CMTR1: variants seen among roughly 807,000 people sequenced by gnomAD.
CMTR1 encodes the protein cap methyltransferase 1, also known as cap-specific mRNA (nucleoside-2'-O-)-methyltransferase 1.
In CMTR1, 39 loss-of-function variants were observed where a neutral mutation model predicts 107.0. The observed-to-expected ratio is 0.36, with a 90% CI of 0.28 to 0.48. The LOEUF is 0.48. CMTR1 is among the 20% of genes least tolerant of loss of function. The pLI is 0.99. For missense variants in CMTR1, 672 were observed against 1,064.9 expected (o/e 0.63, Z 5.14); for synonymous variants, 366 against 379.5 (o/e 0.96, Z 0.41).
rs1761787006 is a variant in CMTR1, at chr6:37,478,511, G to A, written c.2256G>A (p.Arg752=). Residue 752 remains arginine (R), a synonymous_variant, in exon 22 of 24, where the codon AGG becomes AGA. Transcript: ENST00000373451. Reference sequence around the variant, plus strand: ...TACCCATGGGCCTCTACATCGTCAGGACAGTGAATGGTGGGTGAGGAGGGA... The same window carrying A: ...TACCCATGGGCCTCTACATCGTCAGAACAGTGAATGGTGGGTGAGGAGGGA... ...HFVPMGLYIV[R]TVNEPWTMGF... 1.2e-6 allele frequency: 2 copies of A among 1,612,968 alleles called. No individual in the cohort carries two copies. Among genetic ancestry groups the A allele is most frequent in the African/African-American group, 1.3e-5 (1 of 74,882 alleles).
intron 1 of CMTR1, among the ~76,000 whole-genome samples, chr6:37,434,152 G>A (rs1487748048): frequency 6.6e-6 from 1 of 152,026 alleles, no homozygotes; most frequent in East Asian, 1.9e-4. Flanking sequence ...GCTTAGCTTG[G>A]TCTTGCTTTC....
upstream of CMTR1, among the ~76,000 whole-genome samples, chr6:37,428,298 A>C (rs1425398698): frequency 6.6e-6 from 1 of 152,196 alleles, no homozygotes; most frequent in Non-Finnish European, 1.5e-5. Context: ...TGGTCCTTGC[A>C]GAAGTATGTT....
chr6:37,472,509 G>T lies in CMTR1; in HGVS notation c.1689+22G>T. On this transcript the variant is annotated intron_variant, in intron 16 of 23. Coordinates refer to ENST00000373451, the MANE Select transcript of CMTR1 (RefSeq NM_015050.3). This position sits in a 1 kb window ranked among gnomAD's most constrained non-coding sequence, Gnocchi z 4.1. ...CCAGGTAAGACTGGTATCTGTGGTG[G>T]ACATAAAAAGTTAGAGATCTGTCTC... 1 of 1,611,052 alleles carries T rather than the reference G, an allele frequency of 6.2e-7. No homozygotes were observed. The highest frequency in any genetic ancestry group is 8.5e-7 in the Non-Finnish European group (1 of 1,177,238).
At chr6:37,453,969 G>T (rs553851017) in intron 8 of CMTR1, among the ~76,000 whole-genome samples, 1 of 152,320 alleles carries the variant, frequency 6.6e-6, no homozygotes, top group Admixed American at 6.5e-5. Flanking sequence ...CAAGCTTTGC[G>T]TGGGATCATA....
rs1192766962 is a variant in CMTR1, at chr6:37,478,461, A to T, written c.2206A>T (p.Thr736Ser). The T allele has an allele frequency of 1.2e-6, 2 of 1,614,152 alleles. No homozygotes were observed. Among genetic ancestry groups the T allele is most frequent in the South Asian group, 2.2e-5 (2 of 91,082 alleles). ...CAGTGGCACCCCAAAGCTCAGCTAC[A>T]CAGGGCGTGATGACCGGCACTTTGT... ...GSSGTPKLSY[T>S]GRDDRHFVPM... Residue 736 changes from threonine to serine, a missense_variant, in exon 22 of 24, where the codon ACA becomes TCA. Physicochemically the swap from Thr to Ser is moderately conservative, Grantham distance 58 (BLOSUM62 1). Around this residue, in one of 2 missense-constraint regions of CMTR1, gnomAD observed 583 missense variants for 968.4 expected, o/e 0.60. Coordinates refer to ENST00000373451, the MANE Select transcript of CMTR1 (RefSeq NM_015050.3).
At chr6:37,424,666 G>A in the CMTR1 span, among the ~76,000 whole-genome samples, 8 of 151,860 alleles carry the variant, frequency 5.3e-5, no homozygotes, top group Admixed American at 2.6e-4. Context: ...TGGGTTTTAC[G>A]CTAATAATTG....
chr6:37,469,329 G>T (rs1043934408), intron 13 of CMTR1, among the ~76,000 whole-genome samples: 1 of 151,386 alleles, frequency 6.6e-6, no homozygotes, highest in East Asian at 1.9e-4. Context: ...TGTATGTCAT[G>T]TGTCTTTTTC....
At chr6:37,474,416 C>A (rs1761692168) in intron 17 of CMTR1, 108 bp from the exon 18 acceptor site, 9 of 1,288,494 alleles carry the variant, frequency 7.0e-6, no homozygotes, top group Non-Finnish European at 1.1e-6. Flanking sequence ...CTGACATTTC[C>A]CAGTCCCATC....
At chr6:37,476,239 C>T in intron 20 of CMTR1, 45 bp downstream of exon 20, 1 of 1,593,308 alleles carries the variant, frequency 6.3e-7, no homozygotes, top group South Asian at 1.1e-5. Context: ...CTGGCCAGTA[C>T]CTGCTGCTCC....
Position 37,473,537 on chromosome 6 carries a change from G to A in CMTR1, c.1757G>A (p.Arg586His). 1.9e-6 allele frequency: 3 copies of A among 1,614,058 alleles called. No homozygotes were observed. Among genetic ancestry groups the A allele is most frequent in the South Asian group, 1.1e-5 (1 of 91,080 alleles). ...LLTSKTLEKI[R>H]PVFDYRCMVS... ...ACCTCTAAAACCCTGGAGAAGATCC[G>A]CCCTGTGTTTGACTACCGCTGCATG... The change falls in exon 17 of 24, where the codon CGC becomes CAC. Residue 586 changes from arginine (R) to histidine (H), a missense_variant. Arg to His is a conservative substitution (Grantham distance 29, BLOSUM62 0). This residue lies in a region of CMTR1 where 583 missense variants were observed against 968.4 expected (regional missense o/e 0.60). Coordinates refer to ENST00000373451, the MANE Select transcript of CMTR1 (RefSeq NM_015050.3).
rs983514549 is a variant in CMTR1 at position 37,476,250 on chromosome 6, C to T, written c.2105+56C>T. On this transcript the variant is annotated intron_variant, in intron 20 of 23. Coordinates refer to ENST00000373451, the MANE Select transcript of CMTR1 (RefSeq NM_015050.3). ...CTTTCTGGCCAGTACCTGCTGCTCC[C>T]GTCCAGTGAGGGACAGGAGGGCTCA... 12 of 1,569,558 alleles carry T rather than the reference C, an allele frequency of 7.6e-6. No individual in the cohort carries two copies. The African/African-American group carries it at 8.1e-5, about 11-fold the overall frequency.
chr6:37,479,267 T>C lies in CMTR1; in HGVS notation c.2375+12T>C. 2.5e-6 allele frequency: 4 copies of C among 1,569,230 alleles called. No individual in the cohort carries two copies. Among genetic ancestry groups the C allele is most frequent in the South Asian group, 1.1e-5 (1 of 90,158 alleles). On this transcript the variant is annotated intron_variant, in intron 23 of 23. Coordinates refer to ENST00000373451, the MANE Select transcript of CMTR1 (RefSeq NM_015050.3). ...ATTGCCCCATTTCAGTAAGTAGCTC[T>C]CCTCCAAGCCTGCCCTCCTTAGCAG...
At chr6:37,478,631 GGTAGC>G (rs1280514553) in intron 22 of CMTR1, 110 bp downstream of exon 22, 2 of 823,496 alleles carry the variant, frequency 2.4e-6, no homozygotes, top group East Asian at 2.5e-5. Context: ...AGCTAAGGTG[GGTAGC>G]AGCCAGGCTG....
chr6:37,444,498 A>G (rs1479494494), intron 3 of CMTR1, among the ~76,000 whole-genome samples: 1 of 152,150 alleles, frequency 6.6e-6, no homozygotes, highest in Non-Finnish European at 1.5e-5. Flanking sequence ...TTTTTGCTCT[A>G]GTGAGTGGTG....
In CMTR1 at chr6:37,462,091, C is replaced by T. The variant is rs538997957; in HGVS notation, c.1314C>T (p.Ala438=). 6 of 1,614,034 alleles carry T rather than the reference C, an allele frequency of 3.7e-6. No homozygotes were observed. The Admixed American group carries it at 8.3e-5, about 22-fold the overall frequency. The change falls in exon 12 of 24, where the codon GCC becomes GCT. Residue 438 remains alanine, a synonymous_variant. Coordinates refer to ENST00000373451, the MANE Select transcript of CMTR1 (RefSeq NM_015050.3). ...CLFKPITSRP[A]NSERYVVCKG... ...TCAAGCCTATTACCAGCCGTCCTGC[C>T]AACTCAGAGAGGTGAAGCCTTTCTC...
intron 23 of CMTR1, 65 bp downstream of exon 23, chr6:37,479,320 CAGCT>C (rs1186549794): frequency 5.1e-6 from 6 of 1,181,924 alleles, no homozygotes; most frequent in South Asian, 1.2e-5. Context: ...GGATGCCAGC[CAGCT>C]GTCTTGGGGG....
chr6:37,437,499 G>A (rs910175827), intron 2 of CMTR1, among the ~76,000 whole-genome samples: 2 of 141,690 alleles, frequency 1.4e-5, no homozygotes, highest in East Asian at 2.0e-4. Flanking sequence ...TGCACTACAC[G>A]GAGCAAGAGT....
intron 5 of CMTR1, 54 bp downstream of exon 5, chr6:37,450,397 C>T (rs757102344): frequency 7.5e-7 from 1 of 1,338,520 alleles, no homozygotes; most frequent in Non-Finnish European, 1.1e-6. Flanking sequence ...TGACTTTTCA[C>T]TTGCTCGAGT....
chr6:37,430,886 C>T (rs896894681), upstream of CMTR1, among the ~76,000 whole-genome samples: 5 of 151,742 alleles, frequency 3.3e-5, no homozygotes, highest in African/African-American at 1.2e-4. Context: ...TGGTGGCGGG[C>T]GCCTGTAGTC....
Sources: allele counts gnomAD v4.1 joint callset (sites outside exome capture counted in the v4.1 genomes callset), GRCh38; gene constraint gnomAD v4.1.1; regional missense constraint gnomAD v4.1.1; non-coding constraint Gnocchi (gnomAD v3.1); transcripts MANE v1.5; gene names NCBI Gene and HGNC (gene_info 2026-07-23, HGNC 2026-07-21).